Variants in PTPRG observed in about 807,000 individuals in gnomAD.
PTPRG encodes protein tyrosine phosphatase receptor type G.
Under a neutral mutation model 165.3 loss-of-function variants are expected in PTPRG, and 102 were observed. The ratio of observed to expected loss-of-function variants is 0.62; its 90% CI spans 0.53 to 0.73. The LOEUF (loss-of-function observed/expected upper bound fraction) is 0.73. PTPRG is among the 30% of genes least tolerant of loss of function. The pLI is 0.00. For missense variants in PTPRG, 1,866 were observed against 1,861.4 expected, an observed-to-expected ratio of 1.00 and a Z score of -0.05; for synonymous variants, 675 against 669.5, an observed-to-expected ratio of 1.01 and a Z score of -0.13.
At chr3:62,098,995 C>T (rs1434734680) in intron 5 of PTPRG, among the ~76,000 whole-genome samples, 1 of 152,188 alleles carries the variant, frequency 6.6e-6, no homozygotes, top group Non-Finnish European at 1.5e-5. Flanking sequence ...TGAGATGATG[C>T]ATTTTTGTTG....
intron 4 of PTPRG, among the ~76,000 whole-genome samples, chr3:62,053,802 A>AG (rs1197276068): frequency 6.6e-6 from 1 of 152,130 alleles, no homozygotes; most frequent in Non-Finnish European, 1.5e-5. Flanking sequence ...TCTCCCCATG[A>AG]GAGCATTTAG....
At chr3:62,092,087 C>CGG (rs1701953544) in intron 5 of PTPRG, among the ~76,000 whole-genome samples, 1 of 92,588 alleles carries the variant, frequency 1.1e-5, no homozygotes. Flanking sequence ...CACACACACA[C>CGG]ACACACACAC....
At chr3:61,969,750 G>A (rs2040343821) in intron 2 of PTPRG, among the ~76,000 whole-genome samples, 1 of 152,246 alleles carries the variant, frequency 6.6e-6, no homozygotes, top group East Asian at 1.9e-4. Flanking sequence ...AGCTGCATAT[G>A]TCCAACCTGG....
At chr3:61,796,211 A>G (rs930168726) in intron 2 of PTPRG, among the ~76,000 whole-genome samples, 3 of 152,200 alleles carry the variant, frequency 2.0e-5, no homozygotes, top group African/African-American at 7.2e-5. Flanking sequence ...ATCACCCAGG[A>G]GGCTGATGGT....
chr3:61,672,771 G>C (rs1409172822), intron 1 of PTPRG, among the ~76,000 whole-genome samples: 1 of 142,040 alleles, frequency 7.0e-6, no homozygotes, highest in African/African-American at 2.9e-5. Context: ...AGAAGAGGGA[G>C]AGGGAGAGAG....
chr3:62,004,677 C>T (rs1209573078), intron 4 of PTPRG, among the ~76,000 whole-genome samples: 1 of 152,172 alleles, frequency 6.6e-6, no homozygotes. Flanking sequence ...TTCTGTGCAG[C>T]GAGCAGCCGG....
intron 1 of PTPRG, among the ~76,000 whole-genome samples, chr3:61,745,048 T>G (rs2033142862): frequency 1.0e-5 from 1 of 99,858 alleles, no homozygotes; most frequent in South Asian, 3.2e-4. Context: ...ATTCATTCCC[T>G]CACTTTTTTT....
At chr3:61,824,762 G>C (rs986323692) in intron 2 of PTPRG, among the ~76,000 whole-genome samples, 2 of 152,210 alleles carry the variant, frequency 1.3e-5, no homozygotes, top group Admixed American at 1.3e-4. Context: ...TTGTACTTCA[G>C]CCTGGGCAAC....
chr3:61,580,853 T>C (rs1417055735), intron 1 of PTPRG, among the ~76,000 whole-genome samples: 1 of 152,242 alleles, frequency 6.6e-6, no homozygotes, highest in African/African-American at 2.4e-5. Context: ...GATATAATTA[T>C]ACCCTTGGTC....
chr3:62,223,556 T>A (rs1482582080), intron 13 of PTPRG, among the ~76,000 whole-genome samples: 1 of 152,220 alleles, frequency 6.6e-6, no homozygotes, highest in Non-Finnish European at 1.5e-5. Flanking sequence ...TGAGAAACAC[T>A]GCTTTAGACA....
At chr3:62,143,459 C>T (rs1321665852) in intron 6 of PTPRG, among the ~76,000 whole-genome samples, 1 of 152,040 alleles carries the variant, frequency 6.6e-6, no homozygotes, top group Non-Finnish European at 1.5e-5. Flanking sequence ...AATCAGAGTC[C>T]ACACATCCTT....
chr3:61,902,832 A>C (rs1026232980), intron 2 of PTPRG, among the ~76,000 whole-genome samples: 4 of 152,266 alleles, frequency 2.6e-5, no homozygotes, highest in Non-Finnish European at 4.4e-5. Flanking sequence ...ATCAGTGAAC[A>C]AAATAGTACA....
At chr3:61,593,971 G>A (rs942738657) in intron 1 of PTPRG, among the ~76,000 whole-genome samples, 21 of 152,028 alleles carry the variant, frequency 1.4e-4, no homozygotes, top group African/African-American at 3.9e-4. Context: ...GGCAGCAGAC[G>A]GACAGCTGTG....
chr3:61,695,358 A>C (rs1269320504), intron 1 of PTPRG, among the ~76,000 whole-genome samples: 1 of 152,208 alleles, frequency 6.6e-6, no homozygotes, highest in African/African-American at 2.4e-5. Context: ...AAATTTGGAA[A>C]TAGGAGTTCC....
chr3:62,025,166 T>C (rs758840925), intron 4 of PTPRG, among the ~76,000 whole-genome samples: 6 of 152,174 alleles, frequency 3.9e-5, no homozygotes, highest in Admixed American at 2.6e-4. Context: ...ATTTTTAATA[T>C]GTGGTGTCTT....
intron 5 of PTPRG, among the ~76,000 whole-genome samples, chr3:62,086,248 G>A (rs1211611191): frequency 6.6e-6 from 1 of 150,518 alleles, no homozygotes; most frequent in Non-Finnish European, 1.5e-5. Context: ...TTTTGATGAA[G>A]AATAAATTTT....
At chr3:61,878,764 A>G (rs2037810113) in intron 2 of PTPRG, among the ~76,000 whole-genome samples, 1 of 152,130 alleles carries the variant, frequency 6.6e-6, no homozygotes, top group Non-Finnish European at 1.5e-5. Flanking sequence ...TCTGCCTCCC[A>G]AAGTGCTTGC....
intron 2 of PTPRG, among the ~76,000 whole-genome samples, chr3:61,857,503 GTTGCCT>G (rs1333366321): frequency 6.6e-6 from 1 of 152,178 alleles, no homozygotes; most frequent in African/African-American, 2.4e-5. Context: ...TGTGCCATGG[GTTGCCT>G]TTGCCCCAGC....
intron 5 of PTPRG, among the ~76,000 whole-genome samples, chr3:62,104,721 C>G (rs1167552084): frequency 1.3e-5 from 2 of 152,194 alleles, no homozygotes; most frequent in African/African-American, 4.8e-5. Context: ...TTCACTTACA[C>G]ATTTCACTGG....
Sources: allele counts gnomAD v4.1 joint callset (sites outside exome capture counted in the v4.1 genomes callset), GRCh38; gene constraint gnomAD v4.1.1; transcripts MANE v1.5; gene names NCBI Gene and HGNC (gene_info 2026-07-23, HGNC 2026-07-21).